Variants in DENND2B observed in about 807,000 individuals in gnomAD.
DENND2B encodes DENN domain-containing protein 2B.
DENND2B carries 32 observed loss-of-function variants against 116.0 expected under a neutral mutation model. The ratio of observed to expected loss-of-function variants is 0.28; its 90% CI spans 0.21 to 0.37. The LOEUF is 0.37. Among genes scored for constraint, DENND2B ranks in the 10% least tolerant of loss-of-function variants. DENND2B has a pLI of 1.00. For missense variants in DENND2B, 1,276 were observed against 1,477.7 expected, an observed-to-expected ratio of 0.86 and a Z score of 2.24; for synonymous variants, 588 against 583.9, an observed-to-expected ratio of 1.01 and a Z score of -0.10.
chr11:8,849,110 G>A (rs1331482572), intron 3 of DENND2B, among the ~76,000 whole-genome samples: 1 of 151,846 alleles, frequency 6.6e-6, no homozygotes, highest in Non-Finnish European at 1.5e-5. Context: ...TCTACCCATG[G>A]ACCCCCAAGG....
intron 3 of DENND2B, among the ~76,000 whole-genome samples, chr11:8,846,265 CAGA>C (rs989091589): frequency 1.3e-5 from 2 of 152,128 alleles, no homozygotes; most frequent in African/African-American, 4.8e-5. Flanking sequence ...AGCAAGGAGC[CAGA>C]AGAAGGCTGA....
intron 2 of DENND2B, among the ~76,000 whole-genome samples, chr11:8,738,840 C>T (rs2049622705): frequency 6.6e-6 from 1 of 152,170 alleles, no homozygotes; most frequent in Non-Finnish European, 1.5e-5. Context: ...GTTTTCCCTC[C>T]TTATCAATCC....
chr11:8,883,793 G>A (rs1479385805), intron 1 of DENND2B, among the ~76,000 whole-genome samples: 1 of 152,184 alleles, frequency 6.6e-6, no homozygotes, highest in Non-Finnish European at 1.5e-5. Context: ...ATTATCTACA[G>A]GTTAAGGAGT....
At chr11:8,706,585 C>T (rs921344240) in intron 13 of DENND2B, among the ~76,000 whole-genome samples, 2 of 152,188 alleles carry the variant, frequency 1.3e-5, no homozygotes, top group African/African-American at 2.4e-5. Flanking sequence ...AGGAGACCTT[C>T]CCTGGCCCCT....
chr11:8,823,759 C>G (rs1013056756), intron 4 of DENND2B, among the ~76,000 whole-genome samples: 1 of 152,202 alleles, frequency 6.6e-6, no homozygotes, highest in Non-Finnish European at 1.5e-5. Context: ...ATTACCCAGT[C>G]TTGGGCAGTT....
upstream of DENND2B, among the ~76,000 whole-genome samples, chr11:8,875,406 T>G (rs193164826): frequency 6.6e-6 from 1 of 152,006 alleles, no homozygotes. Flanking sequence ...GCAAAAATTT[T>G]TGACACTGTG....
rs1480856248 is a variant in DENND2B, at chr11:8,712,510, G to A, written c.2172+41C>T. On this transcript the variant is annotated intron_variant, in intron 9 of 19. Transcript: ENST00000313726. The surrounding 1 kb of genome is among the most constrained non-coding windows in gnomAD (Gnocchi z 4.4). The stretch of plus-strand genomic sequence containing the variant: ...TAGGCCTGGCGGATAGAGGATGGAA[G>A]AGGGGGAATATGGGCAAGGTGGGGA... The A allele has an allele frequency of 6.5e-7, 1 of 1,532,232 alleles. No individual in the cohort carries two copies. Among genetic ancestry groups the A allele is most frequent in the East Asian group, 2.5e-5 (1 of 40,660 alleles). The allele number at this position is 1,532,232 out of a possible 1,614,324, so 94.9% of individuals were successfully genotyped here.
intron 2 of DENND2B, among the ~76,000 whole-genome samples, chr11:8,880,505 G>C (rs554135870): frequency 6.6e-6 from 1 of 152,238 alleles, no homozygotes; most frequent in African/African-American, 2.4e-5. Context: ...AGTTTGTGTT[G>C]CAAAATGCAT....
At chr11:8,740,605 G>T (rs964108962) in intron 2 of DENND2B, among the ~76,000 whole-genome samples, 5 of 152,182 alleles carry the variant, frequency 3.3e-5, no homozygotes, top group Non-Finnish European at 7.3e-5. Context: ...AGCCTGAGAG[G>T]TACCATGAGT....
In DENND2B at chr11:8,719,080, G is replaced by A. The variant is rs149544183; in HGVS notation, c.1478-1188C>T. 712 of 985,528 alleles carry A rather than the reference G, an allele frequency of 7.2e-4. 7 individuals are homozygous for A. The African/African-American group carries it at 0.012, about 16-fold the overall frequency. 61.0% of individuals were successfully genotyped at this position (985,528 alleles called of 1,614,324 possible). On this transcript the variant is annotated intron_variant, in intron 4 of 19. Transcript: ENST00000313726. ...CACTGAGTCCCACACTTGTTCTACA[G>A]ATGTCTGAATGTGCCTTACGCCCCA...
At chr11:8,900,326 G>C (rs2064149967) in intron 1 of DENND2B, among the ~76,000 whole-genome samples, 1 of 151,652 alleles carries the variant, frequency 6.6e-6, no homozygotes, top group Admixed American at 6.6e-5. Context: ...CAGCTACTCA[G>C]GAGGCTGAGG....
At chr11:8,802,477 G>T (rs974083978) in intron 1 of DENND2B, among the ~76,000 whole-genome samples, 3 of 152,168 alleles carry the variant, frequency 2.0e-5, no homozygotes, top group African/African-American at 7.2e-5. Flanking sequence ...CAATTTTACG[G>T]AAGAGGAACC....
intron 1 of DENND2B, among the ~76,000 whole-genome samples, chr11:8,894,618 C>T (rs1208065991): frequency 1.3e-5 from 2 of 152,154 alleles, no homozygotes; most frequent in East Asian, 3.8e-4. Flanking sequence ...CAAAAGAAGA[C>T]ATTTATGCAG....
rs573775242 is a variant in DENND2B, at chr11:8,747,653, G to A, written c.80+2968C>T. The stretch of plus-strand genomic sequence containing the variant: ...TGAGCTGAAATGGGAACAGCCTGTG[G>A]GGAGAGTGTATCTGGCAGGTAAGGA... On this transcript the variant is annotated intron_variant, in intron 2 of 19. Coordinates refer to ENST00000313726, the MANE Select transcript of DENND2B (RefSeq NM_213618.2). 6.6e-5 allele frequency among the ~76,000 whole-genome samples: 10 copies of A among 152,244 alleles called. No individual in the cohort carries two copies. In the South Asian group the frequency reaches 1.5e-3, roughly 22 times the overall value.
chr11:8,884,305 G>A (rs1483060576), intron 1 of DENND2B, among the ~76,000 whole-genome samples: 3 of 150,978 alleles, frequency 2.0e-5, no homozygotes, highest in Non-Finnish European at 2.9e-5. Context: ...AATCCTCTTC[G>A]GACTTCCTTT....
chr11:8,788,412 T>C (rs557810393), intron 1 of DENND2B, among the ~76,000 whole-genome samples: 2 of 152,310 alleles, frequency 1.3e-5, no homozygotes, highest in East Asian at 1.9e-4. Flanking sequence ...GGCAGCAATG[T>C]CCAACAGAGC....
chr11:8,724,817 A>G (rs1014626306), intron 4 of DENND2B, among the ~76,000 whole-genome samples: 1 of 152,212 alleles, frequency 6.6e-6, no homozygotes, highest in Non-Finnish European at 1.5e-5. Context: ...TTGTTTCCTG[A>G]CCAGAGTGAT....
chr11:8,746,051 C>T (rs546049452), intron 2 of DENND2B, among the ~76,000 whole-genome samples: 1 of 151,660 alleles, frequency 6.6e-6, no homozygotes, highest in Non-Finnish European at 1.5e-5. Context: ...CAGACCAGTA[C>T]TGACAGCATC....
At position 8,878,981 on chromosome 11, in the gene DENND2B, G is replaced by A. The variant is rs980625650; in HGVS notation, c.-156+2029C>T. On this transcript the variant is annotated intron_variant, in intron 2 of 22. Transcript: ENST00000534127. ...AGAAGTGATGATTGCACAATATTGT[G>A]ACTATAATTAATGTCACTGAATTAT... 2.0e-5 allele frequency among the ~76,000 whole-genome samples: 3 copies of A among 152,310 alleles called. No homozygotes were observed. The East Asian group carries it at 5.8e-4, about 29-fold the overall frequency.
Sources: gnomAD v4.1 joint callset for allele counts (sites outside exome capture counted in the v4.1 genomes callset) on GRCh38, gnomAD v4.1.1 for gene constraint, Gnocchi (gnomAD v3.1) non-coding constraint, MANE v1.5 for transcripts, NCBI Gene and HGNC (gene_info 2026-07-23, HGNC 2026-07-21) for gene names.